The following LRRIQ1 variants were observed in gnomAD, a reference collection of about 807,000 sequenced individuals.
The protein encoded by LRRIQ1 is leucine-rich repeat- and IQ domain-containing protein 1.
A neutral mutation model predicts 211.9 loss-of-function variants in LRRIQ1; 210 were observed. That is an observed-to-expected ratio of 0.99 (90% CI 0.89 to 1.11). The LOEUF (loss-of-function observed/expected upper bound fraction) is 1.11, where lower values mean the gene tolerates loss of function less well. LRRIQ1 is among the 50% of genes most tolerant of loss of function. The probability of loss-of-function intolerance (pLI) is 0.00; values close to 1 mark genes in which losing one functional copy is unlikely to be tolerated. For synonymous variants in LRRIQ1, 699 were observed against 650.1 expected, an observed-to-expected ratio of 1.08 and a Z score of -1.14; for missense variants, 2,136 against 1,939.5, an observed-to-expected ratio of 1.10 and a Z score of -1.90.
chr12:85,258,304 A>G (rs1443589971), intron 1 of LRRIQ1, among the ~76,000 whole-genome samples: 2 of 151,938 alleles, frequency 1.3e-5, no homozygotes, highest in Non-Finnish European at 2.9e-5. Flanking sequence ...ACTTAAATTT[A>G]TATGAGTAAG....
At chr12:85,078,482 CCTG>C (rs1883918360) in intron 11 of LRRIQ1, among the ~76,000 whole-genome samples, 1 of 152,016 alleles carries the variant, frequency 6.6e-6, no homozygotes, top group African/African-American at 2.4e-5. Flanking sequence ...ATGCCACCTG[CCTG>C]TTGATTAAGT....
chr12:85,232,616 G>A, intron 25 of LRRIQ1, 80 bp from the exon 26 acceptor site: 3 of 1,137,680 alleles, frequency 2.6e-6, no homozygotes, highest in Non-Finnish European at 3.8e-6. Flanking sequence ...TTTCTCTCAA[G>A]CTTTTTAGTT....
downstream of LRRIQ1, among the ~76,000 whole-genome samples, chr12:85,265,120 G>A (rs576458832): frequency 9.9e-5 from 15 of 151,986 alleles, no homozygotes; most frequent in Admixed American, 2.6e-4. Context: ...GTAATACTGT[G>A]TCTGTGTAAT....
At chr12:85,239,642 A>G (rs573468048) in intron 26 of LRRIQ1, among the ~76,000 whole-genome samples, 61 of 152,212 alleles carry the variant, frequency 4.0e-4, no homozygotes, top group South Asian at 8.3e-4. Context: ...AAATGAAATT[A>G]AGATGAACTA....
At chr12:85,080,225 C>T (rs900910013) in intron 11 of LRRIQ1, among the ~76,000 whole-genome samples, 1 of 151,652 alleles carries the variant, frequency 6.6e-6, no homozygotes, top group Non-Finnish European at 1.5e-5. Flanking sequence ...TTTCTTTTTC[C>T]ATTTTTGAGA....
In LRRIQ1 at chr12:85,054,449, C is replaced by T. The variant is rs558065558; in HGVS notation, c.754-1098C>T. On this transcript the variant is annotated intron_variant, in intron 7 of 26. Coordinates refer to ENST00000393217, the MANE Select transcript of LRRIQ1 (RefSeq NM_001079910.2). ...GTTGTGTATGTGTGCATGCAATGTT[C>T]GGTCTTTCTCCCATGGCTTTTTGTT... is the stretch of plus-strand genomic sequence containing the variant. Among the ~76,000 whole-genome samples, 6 of 152,212 alleles carry T rather than the reference C, an allele frequency of 3.9e-5. No homozygotes were observed. In the South Asian group the frequency reaches 6.2e-4, roughly 16 times the overall value.
At chr12:85,192,255 G>T (rs1892554194) in intron 24 of LRRIQ1, among the ~76,000 whole-genome samples, 1 of 150,134 alleles carries the variant, frequency 6.7e-6, no homozygotes, top group Non-Finnish European at 1.5e-5. Flanking sequence ...AGAACAAGTG[G>T]TATTTCATTT....
At chr12:85,242,777 A>G (rs571339955) in intron 26 of LRRIQ1, among the ~76,000 whole-genome samples, 3 of 151,906 alleles carry the variant, frequency 2.0e-5, no homozygotes, top group Non-Finnish European at 4.4e-5. Context: ...AAGCTGCTAA[A>G]TGGCATCATT....
At position 85,052,248 on chromosome 12, in the gene LRRIQ1, T is replaced by C; in HGVS notation, c.750T>C (p.His250=). The change falls in exon 7 of 27, where the codon CAT becomes CAC. Residue 250 remains histidine, a synonymous_variant. Transcript: ENST00000393217. ...TTTGGAAAGAGAAATTTAAACAGCATGAGGTATCTATTTGTTGTTTTTATT... is the reference window on the plus strand; with the variant it reads ...TTTGGAAAGAGAAATTTAAACAGCACGAGGTATCTATTTGTTGTTTTTATT... ...EKIWKEKFKQ[H]EEYIRNLHLQ... is the part of the protein sequence containing the mutation. 1 of 1,468,016 alleles carries C rather than the reference T, an allele frequency of 6.8e-7. No individual in the cohort carries two copies. The highest frequency in any genetic ancestry group is 9.4e-7 in the Non-Finnish European group (1 of 1,063,936). 90.9% of individuals were successfully genotyped at this position (1,468,016 alleles called of 1,614,324 possible). A position where few individuals can be genotyped will look rare whatever the true frequency, so the allele number is the denominator to read the frequency against.
chr12:85,230,891 TACA>T (rs982414960), intron 25 of LRRIQ1, among the ~76,000 whole-genome samples: 100 of 150,538 alleles, frequency 6.6e-4, no homozygotes, highest in African/African-American at 2.4e-3. Flanking sequence ...CTACTAAAAA[TACA>T]ACAAATTAGC....
At chr12:85,088,631 G>T (rs530018562) in intron 11 of LRRIQ1, among the ~76,000 whole-genome samples, 1 of 152,132 alleles carries the variant, frequency 6.6e-6, no homozygotes, top group Admixed American at 6.6e-5. Context: ...TTGAGTAGTG[G>T]TTTGTAGTTC....
chr12:85,098,279 GA>G (rs1002790261), intron 11 of LRRIQ1, 75 bp from the exon 12 acceptor site: 39 of 961,252 alleles, frequency 4.1e-5, no homozygotes, highest in East Asian at 1.4e-4. Flanking sequence ...CAATTATTTA[GA>G]AAAAAAATGG....
downstream of LRRIQ1, among the ~76,000 whole-genome samples, chr12:85,269,401 A>G (rs1896487629): frequency 6.6e-6 from 1 of 152,050 alleles, no homozygotes; most frequent in African/African-American, 2.4e-5. Context: ...TCAAATATGA[A>G]GCGATAACAA....
At chr12:85,161,423 T>C (rs1252247536) in intron 24 of LRRIQ1, among the ~76,000 whole-genome samples, 4 of 152,078 alleles carry the variant, frequency 2.6e-5, no homozygotes. Context: ...TTTTATTTAG[T>C]TTTAAATTTT....
At chr12:85,269,608 T>C in the LRRIQ1 span, among the ~76,000 whole-genome samples, 1 of 152,020 alleles carries the variant, frequency 6.6e-6, no homozygotes, top group Non-Finnish European at 1.5e-5. Context: ...GTAAATACTT[T>C]CCTCACAAGA....
At chr12:85,049,588 C>T (rs1397783673) in intron 6 of LRRIQ1, among the ~76,000 whole-genome samples, 1 of 152,094 alleles carries the variant, frequency 6.6e-6, no homozygotes, top group Admixed American at 6.5e-5. Flanking sequence ...AAAAATAAAA[C>T]AAAAGAAAAA....
At chr12:85,226,155 T>C (rs940803352) in intron 24 of LRRIQ1, among the ~76,000 whole-genome samples, 3 of 152,206 alleles carry the variant, frequency 2.0e-5, no homozygotes, top group African/African-American at 7.2e-5. Flanking sequence ...TGAAGTGTTA[T>C]TGTAGAATTG....
At chr12:85,045,087 C>A (rs1457794205) in intron 4 of LRRIQ1, among the ~76,000 whole-genome samples, 2 of 151,844 alleles carry the variant, frequency 1.3e-5, no homozygotes, top group African/African-American at 4.8e-5. Flanking sequence ...CTATATTACA[C>A]AAATTTTGTT....
At chr12:85,158,624 A>G (rs932859324) in intron 23 of LRRIQ1, among the ~76,000 whole-genome samples, 1 of 151,974 alleles carries the variant, frequency 6.6e-6, no homozygotes, top group Non-Finnish European at 1.5e-5. Context: ...TGCATGCATA[A>G]TAGGGACATG....
Sources: allele counts gnomAD v4.1 joint callset (sites outside exome capture counted in the v4.1 genomes callset), GRCh38; gene constraint gnomAD v4.1.1; transcripts MANE v1.5; gene names NCBI Gene and HGNC (gene_info 2026-07-23, HGNC 2026-07-21).